PPARGC1A: variants seen among roughly 807,000 people sequenced by gnomAD.
PPARGC1A encodes peroxisome proliferator-activated receptor gamma coactivator 1-alpha.
A neutral mutation model predicts 88.7 loss-of-function variants in PPARGC1A; 25 were observed. That is an observed-to-expected ratio of 0.28 (90% CI 0.21 to 0.39). PPARGC1A has a LOEUF of 0.39. PPARGC1A is among the 10% of genes least tolerant of loss of function. The pLI is 1.00. For missense variants in PPARGC1A, 880 were observed against 968.7 expected (o/e 0.91, Z 1.22); for synonymous variants, 363 against 355.6 (o/e 1.02, Z -0.24).
the PPARGC1A span, among the ~76,000 whole-genome samples, chr4:24,441,360 T>C: frequency 1.3e-5 from 2 of 152,238 alleles, no homozygotes; most frequent in African/African-American, 4.8e-5. Context: ...CTGATTTGTA[T>C]TCCCCTGCCC....
the PPARGC1A span, among the ~76,000 whole-genome samples, chr4:24,110,682 T>C: frequency 6.6e-6 from 1 of 152,180 alleles, no homozygotes; most frequent in African/African-American, 2.4e-5. Context: ...AAGTTTTTCT[T>C]GATGTAAAAG....
the PPARGC1A span, among the ~76,000 whole-genome samples, chr4:24,050,990 A>C: frequency 6.6e-6 from 1 of 152,030 alleles, no homozygotes; most frequent in Non-Finnish European, 1.5e-5. Flanking sequence ...GATGGAGACC[A>C]TCCTGGCTAA....
the PPARGC1A span, among the ~76,000 whole-genome samples, chr4:24,402,797 A>G: frequency 6.6e-6 from 1 of 152,334 alleles, no homozygotes; most frequent in South Asian, 2.1e-4. Flanking sequence ...GAGGCTGCCC[A>G]CAAATAGCAA....
At chr4:24,123,230 C>A in the PPARGC1A span, among the ~76,000 whole-genome samples, 1 of 152,190 alleles carries the variant, frequency 6.6e-6, no homozygotes, top group Non-Finnish European at 1.5e-5. Context: ...AACAACCAAG[C>A]CAGAACAGAC....
At chr4:24,279,352 T>C in the PPARGC1A span, among the ~76,000 whole-genome samples, 1 of 152,190 alleles carries the variant, frequency 6.6e-6, no homozygotes, top group Non-Finnish European at 1.5e-5. Flanking sequence ...AAAGAAAGAA[T>C]ATGAACCTAT....
chr4:24,351,230 TTA>T, the PPARGC1A span, among the ~76,000 whole-genome samples: 1 of 7,188 alleles, frequency 1.4e-4, no homozygotes, highest in Non-Finnish European at 7.1e-4. Flanking sequence ...ACCCTTGTAT[TTA>T]AAAAAAAAAA....
At chr4:24,128,585 C>A in the PPARGC1A span, among the ~76,000 whole-genome samples, 1 of 138,272 alleles carries the variant, frequency 7.2e-6, no homozygotes, top group Non-Finnish European at 1.6e-5. Flanking sequence ...TGTGTGCACG[C>A]GCATCTGTGT....
At chr4:23,933,175 G>A in the PPARGC1A span, among the ~76,000 whole-genome samples, 100 of 152,176 alleles carry the variant, frequency 6.6e-4, 1 homozygote, top group Admixed American at 5.7e-3. Flanking sequence ...GAAGCCAGGC[G>A]GAGTGCTGGA....
At chr4:24,182,837 T>A in the PPARGC1A span, among the ~76,000 whole-genome samples, 1 of 152,174 alleles carries the variant, frequency 6.6e-6, no homozygotes, top group African/African-American at 2.4e-5. Flanking sequence ...ATATTTAGGA[T>A]AATTCTGCAA....
the PPARGC1A span, among the ~76,000 whole-genome samples, chr4:24,125,331 T>A: frequency 6.6e-6 from 1 of 152,034 alleles, no homozygotes; most frequent in Non-Finnish European, 1.5e-5. Flanking sequence ...TCACAGTGAG[T>A]ACACAGAGAG....
At chr4:24,160,701 A>C in the PPARGC1A span, among the ~76,000 whole-genome samples, 1 of 152,222 alleles carries the variant, frequency 6.6e-6, no homozygotes, top group Admixed American at 6.5e-5. Context: ...CCCTTGTAGA[A>C]AATAAGCACC....
At chr4:23,805,231 A>G (rs75272069) in intron 10 of PPARGC1A, among the ~76,000 whole-genome samples, 1 of 127,130 alleles carries the variant, frequency 7.9e-6, no homozygotes, top group Non-Finnish European at 1.7e-5. Context: ...TTTATCACAG[A>G]AAAAAAAAAA....
chr4:23,921,958 C>T, the PPARGC1A span, among the ~76,000 whole-genome samples: 1 of 152,234 alleles, frequency 6.6e-6, no homozygotes, highest in African/African-American at 2.4e-5. Context: ...AGAATAATAC[C>T]ATTCATTCAT....
the PPARGC1A span, among the ~76,000 whole-genome samples, chr4:24,231,286 C>A: frequency 6.6e-6 from 1 of 152,160 alleles, no homozygotes; most frequent in African/African-American, 2.4e-5. Flanking sequence ...TAGTTGGGAC[C>A]AGGAACCTCT....
chr4:24,298,389 T>C, the PPARGC1A span, among the ~76,000 whole-genome samples: 1 of 152,148 alleles, frequency 6.6e-6, no homozygotes, highest in East Asian at 1.9e-4. Flanking sequence ...AAAATGGGAA[T>C]GATAGTAGTA....
At chr4:24,387,938 A>AAGAAAGAAAG in the PPARGC1A span, among the ~76,000 whole-genome samples, 2 of 114,954 alleles carry the variant, frequency 1.7e-5, no homozygotes, top group African/African-American at 8.4e-5. Context: ...AAGAAAGAGA[A>AAGAAAGAAAG]AGAAAGAAAG....
chr4:24,309,744 G>A, the PPARGC1A span, among the ~76,000 whole-genome samples: 6 of 152,124 alleles, frequency 3.9e-5, no homozygotes, highest in Non-Finnish European at 7.3e-5. Flanking sequence ...ACCACGCCCA[G>A]CTACATAATC....
At chr4:24,321,266 G>A in the PPARGC1A span, among the ~76,000 whole-genome samples, 51 of 152,252 alleles carry the variant, frequency 3.3e-4, no homozygotes, top group African/African-American at 1.2e-3. Flanking sequence ...TTAAAAACTA[G>A]GTAGATTCCA....
the PPARGC1A span, among the ~76,000 whole-genome samples, chr4:23,940,038 C>T: frequency 6.6e-6 from 1 of 152,182 alleles, no homozygotes; most frequent in Non-Finnish European, 1.5e-5. Context: ...GTTCCTGGAA[C>T]CTTCCCTAGA....
Sources: gnomAD v4.1 joint callset for allele counts (sites outside exome capture counted in the v4.1 genomes callset) on GRCh38, gnomAD v4.1.1 for gene constraint, MANE v1.5 for transcripts, NCBI Gene and HGNC (gene_info 2026-07-23, HGNC 2026-07-21) for gene names.